Variants in KIAA0825 observed in about 807,000 individuals in gnomAD.
KIAA0825 encodes uncharacterized protein KIAA0825.
A neutral mutation model predicts 147.6 loss-of-function variants in KIAA0825; 119 were observed. That is an observed-to-expected ratio of 0.81 (90% CI 0.69 to 0.94). KIAA0825 has a LOEUF of 0.94. KIAA0825 is among the 40% of genes least tolerant of loss of function. The pLI, the probability that KIAA0825 is intolerant of heterozygous loss-of-function variation, is 0.00. For missense variants in KIAA0825, 1,381 were observed against 1,472.7 expected (o/e 0.94, Z 1.02); for synonymous variants, 470 against 518.1 (o/e 0.91, Z 1.26).
chr5:94,553,731 A>ACT (rs1315743589), intron 2 of KIAA0825, among the ~76,000 whole-genome samples: 4 of 151,150 alleles, frequency 2.6e-5, no homozygotes, highest in African/African-American at 9.7e-5. Flanking sequence ...GCGCCATTGC[A>ACT]CTCCTTCCTG....
chr5:94,495,380 T>C (rs1010909541), intron 5 of KIAA0825, among the ~76,000 whole-genome samples: 2 of 152,218 alleles, frequency 1.3e-5, no homozygotes, highest in Non-Finnish European at 2.9e-5. Context: ...AATACGACTT[T>C]GCAGCCCCTT....
intron 20 of KIAA0825, among the ~76,000 whole-genome samples, chr5:94,179,661 G>A (rs1769419661): frequency 6.6e-6 from 1 of 152,006 alleles, no homozygotes; most frequent in Non-Finnish European, 1.5e-5. Context: ...TGCTGGAGAA[G>A]GGATAATACA....
At chr5:94,190,482 C>T (rs942586158) in intron 20 of KIAA0825, among the ~76,000 whole-genome samples, 3 of 149,944 alleles carry the variant, frequency 2.0e-5, no homozygotes, top group South Asian at 2.1e-4. Context: ...CCCGCCACCA[C>T]GCCCAGCTAT....
intron 20 of KIAA0825, among the ~76,000 whole-genome samples, chr5:94,308,234 G>A (rs1778872425): frequency 6.6e-6 from 1 of 151,688 alleles, no homozygotes; most frequent in Admixed American, 6.6e-5. Flanking sequence ...GTACTGTGGG[G>A]GCAGTCACTC....
chr5:94,194,085 C>T (rs1489537622), intron 20 of KIAA0825, among the ~76,000 whole-genome samples: 1 of 152,130 alleles, frequency 6.6e-6, no homozygotes, highest in African/African-American at 2.4e-5. Flanking sequence ...AATTTCCCTC[C>T]CTAGACAAAG....
At chr5:94,454,438 T>G (rs982282121) in intron 12 of KIAA0825, among the ~76,000 whole-genome samples, 3 of 152,222 alleles carry the variant, frequency 2.0e-5, no homozygotes, top group Non-Finnish European at 2.9e-5. Context: ...ATCTTCTAAT[T>G]AAATAGACTT....
At chr5:94,304,152 T>G (rs1178113843) in intron 20 of KIAA0825, among the ~76,000 whole-genome samples, 1 of 152,030 alleles carries the variant, frequency 6.6e-6, no homozygotes, top group Non-Finnish European at 1.5e-5. Context: ...GGCAAATACT[T>G]TGTGTGGTGG....
Position 94,588,339 on chromosome 5 carries a change from T to C in KIAA0825, c.-152-5756A>G, listed in dbSNP as rs139170198. ...AGAATCTACAAAGAACTTAAACAAA[T>C]TTACAAGAAAAAAAGTCCCCATCAA... is the stretch of plus-strand genomic sequence containing the variant. On this transcript the variant is annotated intron_variant, in intron 1 of 20. Transcript: ENST00000682413. 2.0e-3 allele frequency among the ~76,000 whole-genome samples: 306 copies of C among 152,052 alleles called. 1 individual carries two copies. The highest frequency in any genetic ancestry group is 7.2e-3 in the African/African-American group (298 of 41,450).
intron 20 of KIAA0825, among the ~76,000 whole-genome samples, chr5:94,273,704 A>G (rs556197441): frequency 6.6e-6 from 1 of 152,090 alleles, no homozygotes; most frequent in Non-Finnish European, 1.5e-5. Flanking sequence ...CTGCCTCCTC[A>G]TCTTTCTTAT....
intron 5 of KIAA0825, among the ~76,000 whole-genome samples, chr5:94,511,714 G>A (rs1766503939): frequency 6.6e-6 from 1 of 152,088 alleles, no homozygotes; most frequent in Non-Finnish European, 1.5e-5. Context: ...TTGGCCGGGC[G>A]CAGTGGGTCA....
chr5:94,248,348 C>T (rs1168086362), intron 20 of KIAA0825, among the ~76,000 whole-genome samples: 1 of 152,080 alleles, frequency 6.6e-6, no homozygotes. Context: ...CCTGATTTGA[C>T]ACAATTAAAC....
Position 94,484,441 on chromosome 5 carries a change from G to T in KIAA0825, c.1132+328C>A, listed in dbSNP as rs1762818593. ...GATCATCTGGGTGCTAGGAGCAAAA[G>T]AAAAGATACTAGACCACCCAGTCTG... On this transcript the variant is annotated intron_variant, in intron 6 of 20. Coordinates refer to ENST00000682413, the MANE Select transcript of KIAA0825 (RefSeq NM_001145678.3). 2.6e-5 allele frequency among the ~76,000 whole-genome samples: 4 copies of T among 151,844 alleles called. No homozygotes were observed. The South Asian group carries it at 8.3e-4, about 31-fold the overall frequency.
At chr5:94,384,804 A>G (rs560407432) in intron 19 of KIAA0825, among the ~76,000 whole-genome samples, 5 of 152,216 alleles carry the variant, frequency 3.3e-5, no homozygotes, top group Non-Finnish European at 5.9e-5. Context: ...TTTTTCATAC[A>G]TCATATCAAT....
chr5:94,612,516 T>A (rs1789147339), intron 1 of KIAA0825, among the ~76,000 whole-genome samples: 1 of 152,114 alleles, frequency 6.6e-6, no homozygotes, highest in South Asian at 2.1e-4. Context: ...TCTTTCCTAC[T>A]CTCACTCTCC....
intron 20 of KIAA0825, among the ~76,000 whole-genome samples, chr5:94,214,595 A>C (rs1773041228): frequency 6.6e-6 from 1 of 152,148 alleles, no homozygotes; most frequent in Admixed American, 6.5e-5. Flanking sequence ...GGCCATCTTT[A>C]TTCTTGCCTC....
At chr5:94,192,230 A>G (rs1222455324) in intron 20 of KIAA0825, among the ~76,000 whole-genome samples, 10 of 152,232 alleles carry the variant, frequency 6.6e-5, no homozygotes, top group Non-Finnish European at 1.2e-4. Flanking sequence ...CTATGAAGTT[A>G]TTAGGACAGC....
At position 94,396,295 on chromosome 5, in the gene KIAA0825, A is replaced by C; in HGVS notation, c.3102T>G (p.Leu1034=). 1 of 1,550,680 alleles carries C rather than the reference A, an allele frequency of 6.4e-7. No homozygotes were observed. The highest frequency in any genetic ancestry group is 1.7e-4 in the Middle Eastern group (1 of 5,980). Residue 1034 remains leucine, a synonymous_variant, in exon 17 of 21, where the codon CTT becomes CTG. Coordinates refer to ENST00000682413, the MANE Select transcript of KIAA0825 (RefSeq NM_001145678.3). ...ATCTGTCAAGAGAGGCACCTGTTAAAAGTTCCACAGTGTTTCCGTCCTCAA... is the reference window on the plus strand; with the variant it reads ...ATCTGTCAAGAGAGGCACCTGTTAACAGTTCCACAGTGTTTCCGTCCTCAA... ...RIFEDGNTVE[L]LTGASLDRWS... is the part of the protein sequence containing the mutation.
In KIAA0825 at chr5:94,152,856, TTATATATATATATATATATATATATA is replaced by T. The variant is rs1175360792; in HGVS notation, c.*1125_*1150del. The T allele has an allele frequency of 1.4e-3, 4 of 2,774 alleles. No homozygotes were observed. The highest frequency in any genetic ancestry group is 0.022 in the East Asian group (2 of 92). 0.2% of individuals were successfully genotyped at this position (2,774 alleles called of 1,614,324 possible). A position where few individuals can be genotyped will look rare whatever the true frequency, so the allele number is the denominator to read the frequency against. On this transcript the variant is annotated 3_prime_UTR_variant, in exon 21 of 21. Coordinates refer to ENST00000682413, the MANE Select transcript of KIAA0825 (RefSeq NM_001145678.3). ...AAAAAAAAAAAAAAAAAAAAAAAAA[TTATATATATATATATATATATATATA>T]TATATATATATATATATATATGGTT...
At chr5:94,266,243 T>A (rs1776732573) in intron 20 of KIAA0825, among the ~76,000 whole-genome samples, 1 of 152,218 alleles carries the variant, frequency 6.6e-6, no homozygotes, top group African/African-American at 2.4e-5. Flanking sequence ...GACAGCTTCT[T>A]AATATTTAAA....
Sources: gnomAD v4.1 joint callset for allele counts (sites outside exome capture counted in the v4.1 genomes callset) on GRCh38, gnomAD v4.1.1 for gene constraint, MANE v1.5 for transcripts, NCBI Gene and HGNC (gene_info 2026-07-23, HGNC 2026-07-21) for gene names.